Variants in PRTG observed in about 807,000 individuals in gnomAD.
PRTG encodes the protein protogenin.
PRTG carries 67 observed loss-of-function variants against 122.5 expected under a neutral mutation model. The observed-to-expected ratio is 0.55, with a 90% confidence interval of 0.45 to 0.67. The LOEUF is 0.67. Ranked by LOEUF, PRTG falls within the 30% of genes least tolerant of loss-of-function variation. PRTG has a pLI of 0.00. For missense variants in PRTG, 1,435 were observed against 1,415.4 expected, an observed-to-expected ratio of 1.01 and a Z score of -0.22; for synonymous variants, 554 against 501.1, an observed-to-expected ratio of 1.11 and a Z score of -1.41.
intron 8 of PRTG, among the ~76,000 whole-genome samples, chr15:55,677,296 G>T (rs1312400013): frequency 2.0e-5 from 3 of 152,260 alleles, no homozygotes; most frequent in Admixed American, 2.0e-4. Context: ...GGTTCTATAT[G>T]ATTTCAGAAA....
At chr15:55,633,279 G>A (rs960930847) in intron 15 of PRTG, among the ~76,000 whole-genome samples, 10 of 152,042 alleles carry the variant, frequency 6.6e-5, no homozygotes, top group Non-Finnish European at 1.3e-4. Flanking sequence ...GCACGATCTC[G>A]GCTCACTGCA....
intron 11 of PRTG, among the ~76,000 whole-genome samples, chr15:55,665,319 G>T (rs545698522): frequency 7.9e-5 from 12 of 151,912 alleles, no homozygotes; most frequent in Non-Finnish European, 1.5e-4. Context: ...TTACCCTTAC[G>T]TGTTAAAACA....
chr15:55,683,189 T>A (rs1449461258), intron 3 of PRTG, among the ~76,000 whole-genome samples: 1 of 152,166 alleles, frequency 6.6e-6, no homozygotes, highest in Non-Finnish European at 1.5e-5. Context: ...GATATGCTTT[T>A]TTTTTTTAAA....
At chr15:55,727,395 G>A (rs116992223) in intron 2 of PRTG, among the ~76,000 whole-genome samples, 1 of 152,240 alleles carries the variant, frequency 6.6e-6, no homozygotes, top group Non-Finnish European at 1.5e-5. Context: ...AGATAGCCTA[G>A]ATGAAATGGA....
At chr15:55,735,085 G>C (rs2031366686) in intron 2 of PRTG, among the ~76,000 whole-genome samples, 1 of 152,096 alleles carries the variant, frequency 6.6e-6, no homozygotes, top group Non-Finnish European at 1.5e-5. Context: ...TTAATGAAGA[G>C]TCTGGGCACT....
intron 8 of PRTG, among the ~76,000 whole-genome samples, chr15:55,677,523 C>A (rs930892442): frequency 6.6e-6 from 1 of 152,150 alleles, no homozygotes; most frequent in Non-Finnish European, 1.5e-5. Flanking sequence ...CGTAAGTACA[C>A]CACTTTGTAA....
chr15:55,709,680 T>C (rs1450277862), intron 2 of PRTG, among the ~76,000 whole-genome samples: 3 of 152,128 alleles, frequency 2.0e-5, no homozygotes, highest in African/African-American at 7.2e-5. Flanking sequence ...GGTATATCCA[T>C]TCAATGGAAT....
At chr15:55,679,568 C>T (rs537677797) in intron 6 of PRTG, 123 bp from the exon 7 acceptor site, 1 of 669,208 alleles carries the variant, frequency 1.5e-6, no homozygotes, top group East Asian at 2.8e-5. Context: ...TGCTGAGCTC[C>T]TGTCTACATC....
chr15:55,726,862 G>A (rs1281671653), intron 2 of PRTG, among the ~76,000 whole-genome samples: 1 of 151,270 alleles, frequency 6.6e-6, no homozygotes, highest in Non-Finnish European at 1.5e-5. Flanking sequence ...CAGGAGGACT[G>A]CTTGAGTCTG....
chr15:55,675,519 C>T lies in PRTG; in HGVS notation c.1546G>A (p.Val516Ile). ...DHVTQNTLED[V>I]PLRPPEISLT... ...ATGATCTAGAATCATGTTTTCTTACCATCCTCTAGAGTATTCTGTGTCACA... is the reference window on the plus strand; with the variant it reads ...ATGATCTAGAATCATGTTTTCTTACTATCCTCTAGAGTATTCTGTGTCACA... The change falls in exon 9 of 20, where the codon GTT (valine) becomes ATT (isoleucine). Residue 516 changes from valine to isoleucine, a missense_variant and splice_region_variant. By Grantham distance (29) the Val-to-Ile change is conservative. Coordinates refer to ENST00000389286, the MANE Select transcript of PRTG (RefSeq NM_173814.6). 6.3e-7 allele frequency: 1 copy of T among 1,598,142 alleles called. No homozygotes were observed. Among genetic ancestry groups the T allele is most frequent in the Non-Finnish European group, 8.5e-7 (1 of 1,170,184 alleles).
intron 11 of PRTG, among the ~76,000 whole-genome samples, chr15:55,669,739 G>A (rs2059457895): frequency 6.6e-6 from 1 of 152,206 alleles, no homozygotes; most frequent in African/African-American, 2.4e-5. Flanking sequence ...AGTCATTCCA[G>A]CCGTGACTTG....
chr15:55,701,866 T>A (rs2029904413), intron 2 of PRTG, among the ~76,000 whole-genome samples: 1 of 152,164 alleles, frequency 6.6e-6, no homozygotes, highest in African/African-American at 2.4e-5. Flanking sequence ...ACATAATATA[T>A]AATTCTACTA....
intron 2 of PRTG, among the ~76,000 whole-genome samples, chr15:55,707,685 C>T (rs1369694467): frequency 1.3e-5 from 2 of 152,166 alleles, no homozygotes; most frequent in African/African-American, 2.4e-5. Flanking sequence ...CATATTTCAT[C>T]GGCTGTCAAG....
rs776629578 is a variant in PRTG at position 55,620,718 on chromosome 15, T to G, written c.3143A>C (p.Asn1048Thr). Residue 1048 changes from asparagine to threonine, a missense_variant, in exon 19 of 20, where the codon AAC becomes ACC. Physicochemically the swap from Asn to Thr is moderately conservative, Grantham distance 65. Transcript: ENST00000389286. ...INSYGPIIKN[N>T]SKKKWFFFQD... ...GAAAAAAAACCACTTTTTCTTAGAGTTGTTTTTAATTATAGGACCATAGCT... is the reference window on the plus strand; with the variant it reads ...GAAAAAAAACCACTTTTTCTTAGAGGTGTTTTTAATTATAGGACCATAGCT... The G allele has an allele frequency of 1.9e-6, 3 of 1,603,190 alleles. No individual in the cohort carries two copies. The highest frequency in any genetic ancestry group is 2.5e-6 in the Non-Finnish European group (3 of 1,177,656).
In PRTG at chr15:55,678,029, G is replaced by T; in HGVS notation, c.1149C>A (p.Asn383Lys). The T allele has an allele frequency of 6.3e-7, 1 of 1,583,784 alleles. No homozygotes were observed. Among genetic ancestry groups the T allele is most frequent in the Non-Finnish European group, 8.6e-7 (1 of 1,157,356 alleles). ...IKMYNSKLVI[N>K]QIIPEDDAIY... ...TAGCATCATCTTCAGGAATAATCTG[G>T]TTAATTACCAATTTACTAGGGAAAG... The change falls in exon 8 of 20, where the codon AAC becomes AAA. Residue 383 changes from asparagine to lysine, a missense_variant. Coordinates refer to ENST00000389286, the MANE Select transcript of PRTG (RefSeq NM_173814.6).
In PRTG at chr15:55,611,781, G is replaced by C. The variant is rs2059121432; in HGVS notation, c.*8231C>G. The C allele has an allele frequency of 6.6e-6, 1 of 151,328 alleles. No homozygotes were observed. Among genetic ancestry groups the C allele is most frequent in the South Asian group, 2.1e-4 (1 of 4,802 alleles). The allele number at this position is 151,328 out of a possible 1,614,324, so 9.4% of individuals were successfully genotyped here. A position where few individuals can be genotyped will look rare whatever the true frequency, so the allele number is the denominator to read the frequency against. On this transcript the variant is annotated 3_prime_UTR_variant, in exon 20 of 20. Coordinates refer to ENST00000389286, the MANE Select transcript of PRTG (RefSeq NM_173814.6). ...ATATGTTTTAAGAAGACATTAAAAA[G>C]ATACATTCAAAATCAAGGCAAACAT...
chr15:55,661,168 T>C (rs1244406500), intron 11 of PRTG, among the ~76,000 whole-genome samples: 1 of 152,174 alleles, frequency 6.6e-6, no homozygotes. Flanking sequence ...TATCCAGATA[T>C]TTCAAATGGG....
chr15:55,620,403 G>A, intron 19 of PRTG, 137 bp from the exon 20 acceptor site: 1 of 1,458,468 alleles, frequency 6.9e-7, no homozygotes, highest in Non-Finnish European at 9.0e-7. Context: ...AGCTTCTTCA[G>A]TGCTTCTGAT....
Position 55,653,888 on chromosome 15 carries a change from T to A in PRTG, c.2042-12680A>T, listed in dbSNP as rs2059366613. 4.6e-5 allele frequency among the ~76,000 whole-genome samples: 7 copies of A among 152,370 alleles called. 1 individual carries two copies. The South Asian group carries it at 1.4e-3, about 32-fold the overall frequency. On this transcript the variant is annotated intron_variant, in intron 11 of 19. Coordinates refer to ENST00000389286, the MANE Select transcript of PRTG (RefSeq NM_173814.6). ...TTTGATCCTGTTATTCCTTTTTTGA[T>A]CATGTAATTTCATTTTTAATTGTCC... is the stretch of plus-strand genomic sequence containing the variant.
Sources: gnomAD v4.1 joint callset for allele counts (sites outside exome capture counted in the v4.1 genomes callset) on GRCh38, gnomAD v4.1.1 for gene constraint, MANE v1.5 for transcripts, NCBI Gene and HGNC (gene_info 2026-07-23, HGNC 2026-07-21) for gene names.